SYT3: variants seen among roughly 807,000 people sequenced by gnomAD.
SYT3 encodes the protein synaptotagmin 3.
A neutral mutation model predicts 50.6 loss-of-function variants in SYT3; 25 were observed. The observed-to-expected ratio is 0.49, with a 90% confidence interval of 0.36 to 0.69. The LOEUF is 0.69. SYT3 is among the 30% of genes least tolerant of loss of function. The pLI is 0.00. For missense variants in SYT3, 589 were observed against 793.6 expected, an observed-to-expected ratio of 0.74 and a Z score of 3.10; for synonymous variants, 323 against 353.9, an observed-to-expected ratio of 0.91 and a Z score of 0.98.
At chr19:50,644,243 G>A (rs1003270348), upstream of SYT3, among the ~76,000 whole-genome samples, 1 of 152,214 alleles carries the variant, frequency 6.6e-6, no homozygotes, top group Non-Finnish European at 1.5e-5. Context: ...GTGCATGACT[G>A]GATAGATGCT....
At chr19:50,643,797 CA>C (rs1984718099), upstream of SYT3, among the ~76,000 whole-genome samples, 1 of 151,792 alleles carries the variant, frequency 6.6e-6, no homozygotes, top group Non-Finnish European at 1.5e-5. Flanking sequence ...GTGGAAGAGA[CA>C]GAAAATAATC....
intron 4 of SYT3, among the ~76,000 whole-genome samples, chr19:50,631,469 T>C (rs1445447035): frequency 6.6e-6 from 1 of 151,940 alleles, no homozygotes; most frequent in East Asian, 1.9e-4. Flanking sequence ...CAGCCTGAAG[T>C]TTTCCGTTTT....
chr19:50,629,933 A>G lies in SYT3; in HGVS notation c.913T>C (p.Phe305Leu). ...GAGCCATAGAGGTACCGCAGGGCGAAGCTGATACGGCCACAGGGTGCCCCT... is the reference window on the plus strand; with the variant it reads ...GAGCCATAGAGGTACCGCAGGGCGAGGCTGATACGGCCACAGGGTGCCCCT... ...GTGAPCGRIS[F>L]ALRYLYGSDQ... The change falls in exon 5 of 11, where the codon TTC (phenylalanine) becomes CTC (leucine). Residue 305 changes from phenylalanine (F) to leucine (L), a missense_variant. Phe to Leu is a conservative substitution (Grantham distance 22). Transcript: ENST00000600079. The G allele has an allele frequency of 5.6e-6, 9 of 1,614,008 alleles. No homozygotes were observed. Among genetic ancestry groups the G allele is most frequent in the Non-Finnish European group, 7.6e-6 (9 of 1,179,980 alleles).
At position 50,637,584 on chromosome 19, in the gene SYT3, C is replaced by T. The variant is rs1198195604; in HGVS notation, c.-15-158G>A. 1.7e-5 allele frequency: 10 copies of T among 587,044 alleles called. No homozygotes were observed. The highest frequency in any genetic ancestry group is 3.0e-4 in the Middle Eastern group (1 of 3,372). 36.4% of individuals were successfully genotyped at this position (587,044 alleles called of 1,614,324 possible). A position where few individuals can be genotyped will look rare whatever the true frequency, so the allele number is the denominator to read the frequency against. On this transcript the variant is annotated intron_variant, in intron 2 of 10. Transcript: ENST00000600079. This position sits in a 1 kb window ranked among gnomAD's most constrained non-coding sequence, Gnocchi z 4.9. ...GGCAGATGGATTAGGGATGGAGATTCGAGGAAGAAGGACAAGGTGACAGGT... is the reference window on the plus strand; with the variant it reads ...GGCAGATGGATTAGGGATGGAGATTTGAGGAAGAAGGACAAGGTGACAGGT...
upstream of SYT3, among the ~76,000 whole-genome samples, chr19:50,644,563 G>A (rs942951656): frequency 2.6e-5 from 4 of 151,714 alleles, no homozygotes; most frequent in African/African-American, 2.4e-5. Flanking sequence ...TGGATAGTTG[G>A]ATGGGATGGA....
the SYT3 span, among the ~76,000 whole-genome samples, chr19:50,646,004 T>C: frequency 4.6e-5 from 7 of 151,040 alleles, no homozygotes; most frequent in Admixed American, 3.3e-4. Context: ...GAGGCACAGA[T>C]AGATGGAGAC....
the SYT3 span, among the ~76,000 whole-genome samples, chr19:50,654,405 T>G: frequency 0.55 from 82,759 of 151,238 alleles, 25,815 homozygotes; most frequent in Non-Finnish European, 0.68. Context: ...TGGGTTCAAG[T>G]GATTCTTCTG....
chr19:50,634,957 G>A (rs1290164566), intron 3 of SYT3, among the ~76,000 whole-genome samples: 3 of 151,596 alleles, frequency 2.0e-5, no homozygotes, highest in Admixed American at 6.6e-5. Flanking sequence ...TGTGATCTCT[G>A]CGGAGTGCAG....
upstream of SYT3, among the ~76,000 whole-genome samples, chr19:50,642,110 G>C (rs1599823934): frequency 6.6e-6 from 1 of 152,112 alleles, no homozygotes; most frequent in African/African-American, 2.4e-5. Flanking sequence ...GTGGCTTCTT[G>C]CATCCCCCCA....
intron 6 of SYT3, 64 bp from the exon 7 acceptor site, chr19:50,626,081 C>G: frequency 6.4e-7 from 1 of 1,567,974 alleles, no homozygotes; most frequent in South Asian, 1.2e-5. Context: ...CCCTGATTTT[C>G]TCTCCGGTCG....
chr19:50,656,965 GAAGA>G, the SYT3 span, among the ~76,000 whole-genome samples: 1,621 of 136,792 alleles, frequency 0.012, 37 homozygotes, highest in African/African-American at 0.045. Flanking sequence ...AAAAAGGAAG[GAAGA>G]AAGAAAGAAA....
chr19:50,634,492 G>C (rs1452672895), intron 3 of SYT3, among the ~76,000 whole-genome samples: 1 of 151,434 alleles, frequency 6.6e-6, no homozygotes, highest in African/African-American at 2.4e-5. Flanking sequence ...CTCTGAGAGA[G>C]AGGAAGTGGC....
At chr19:50,640,802 C>T (rs972265041), upstream of SYT3, among the ~76,000 whole-genome samples, 1 of 152,216 alleles carries the variant, frequency 6.6e-6, no homozygotes, top group Admixed American at 6.5e-5. Context: ...TCAAAGCTGT[C>T]CTGTGCTGCA....
the SYT3 span, among the ~76,000 whole-genome samples, chr19:50,648,003 C>A: frequency 6.6e-6 from 1 of 152,142 alleles, no homozygotes; most frequent in Admixed American, 6.5e-5. Flanking sequence ...AAACGCAAAT[C>A]AAATTGACCT....
At chr19:50,633,723 T>C (rs920952476) in intron 3 of SYT3, among the ~76,000 whole-genome samples, 1 of 152,242 alleles carries the variant, frequency 6.6e-6, no homozygotes, top group African/African-American at 2.4e-5. Context: ...GGTGATTACA[T>C]ACCAAATAGC....
At chr19:50,635,575 TAG>T (rs1300521081) in intron 3 of SYT3, among the ~76,000 whole-genome samples, 3 of 152,170 alleles carry the variant, frequency 2.0e-5, no homozygotes, top group Non-Finnish European at 4.4e-5. Context: ...CCTGCCTGAT[TAG>T]AGTGTCTTTG....
rs1189624839 is a variant in SYT3, at chr19:50,639,456, T to G, written c.-153-294A>C. On this transcript the variant is annotated intron_variant, in intron 1 of 10. Transcript: ENST00000600079. This position sits in a 1 kb window ranked among gnomAD's most constrained non-coding sequence, Gnocchi z 4.6. Reference sequence around the variant, plus strand: ...TTAAGGTTTTGGGGGGTTAAGATGCTGGGGTCCCAAGACGCTTCAGGGGAG... The same window carrying G: ...TTAAGGTTTTGGGGGGTTAAGATGCGGGGGTCCCAAGACGCTTCAGGGGAG... 8.0e-5 allele frequency: 12 copies of G among 150,860 alleles called. No homozygotes were observed. The highest frequency in any genetic ancestry group is 2.9e-4 in the African/African-American group (12 of 40,876). The allele number at this position is 150,860 out of a possible 1,614,324, so 9.3% of individuals were successfully genotyped here.
chr19:50,655,433 A>G, the SYT3 span, among the ~76,000 whole-genome samples: 1 of 152,136 alleles, frequency 6.6e-6, no homozygotes, highest in Non-Finnish European at 1.5e-5. Flanking sequence ...GGAGGATCAC[A>G]AGGTCATGAG....
the SYT3 span, among the ~76,000 whole-genome samples, chr19:50,652,817 G>A: frequency 6.6e-6 from 1 of 152,140 alleles, no homozygotes; most frequent in Non-Finnish European, 1.5e-5. Flanking sequence ...AGAGGAGTTA[G>A]GAGACCAGGT....
Sources: gnomAD v4.1 joint callset for allele counts (sites outside exome capture counted in the v4.1 genomes callset) on GRCh38, gnomAD v4.1.1 for gene constraint, Gnocchi (gnomAD v3.1) non-coding constraint, MANE v1.5 for transcripts, NCBI Gene and HGNC (gene_info 2026-07-23, HGNC 2026-07-21) for gene names.